FAM117B: variants seen among roughly 807,000 people sequenced by gnomAD.
FAM117B encodes the protein protein FAM117B.
A neutral mutation model predicts 52.8 loss-of-function variants in FAM117B; 22 were observed. The observed-to-expected ratio is 0.42, with a 90% CI of 0.30 to 0.59. The LOEUF is 0.59. Ranked by LOEUF, FAM117B falls within the 20% of genes least tolerant of loss-of-function variation. The pLI, the probability that FAM117B is intolerant of heterozygous loss-of-function variation, is 0.22. For missense variants in FAM117B, 678 were observed against 802.6 expected (o/e 0.84, Z 1.88); for synonymous variants, 309 against 324.1 (o/e 0.95, Z 0.50).
intron 2 of FAM117B, among the ~76,000 whole-genome samples, chr2:202,712,467 C>A (rs553479816): frequency 9.4e-6 from 1 of 106,620 alleles, no homozygotes; most frequent in African/African-American, 4.0e-5. Flanking sequence ...TTAGGTGTTT[C>A]CAAATATAAG....
intron 4 of FAM117B, among the ~76,000 whole-genome samples, chr2:202,739,998 C>T (rs1488844636): frequency 6.6e-6 from 1 of 151,130 alleles, no homozygotes; most frequent in African/African-American, 2.4e-5. Context: ...ATGGTGAAAC[C>T]CTGTCTCTAC....
chr2:202,636,809 G>A (rs1470922453), intron 1 of FAM117B, among the ~76,000 whole-genome samples: 1 of 152,176 alleles, frequency 6.6e-6, no homozygotes. Flanking sequence ...AATAGTTTCC[G>A]AAATGGAAGG....
chr2:202,636,025 C>A (rs920119080), intron 1 of FAM117B, among the ~76,000 whole-genome samples: 1 of 151,068 alleles, frequency 6.6e-6, no homozygotes, highest in African/African-American at 2.4e-5. Flanking sequence ...CCGCACGGCT[C>A]CCTGGTGGTG....
At chr2:202,661,115 A>G (rs1285641374) in intron 1 of FAM117B, among the ~76,000 whole-genome samples, 1 of 152,220 alleles carries the variant, frequency 6.6e-6, no homozygotes, top group African/African-American at 2.4e-5. Flanking sequence ...AACTCAGTGA[A>G]TCACTTCCCT....
chr2:202,735,005 T>A (rs1205186897), intron 4 of FAM117B, among the ~76,000 whole-genome samples: 3 of 152,210 alleles, frequency 2.0e-5, no homozygotes, highest in African/African-American at 7.2e-5. Flanking sequence ...ACATTTTTTT[T>A]CTTTTAAGTG....
rs866090170 is a variant in FAM117B, at chr2:202,655,730, G to C, written c.601+19942G>C. On this transcript the variant is annotated intron_variant, in intron 1 of 7. Coordinates refer to ENST00000392238, the MANE Select transcript of FAM117B (RefSeq NM_173511.4). ...AGTGAGAGAGAGAGAGAGAGAGAGA[G>C]AGAGAGAGAGAGAGAGAGAGAGAGA... Among the ~76,000 whole-genome samples, 1,354 of 147,840 alleles carry C rather than the reference G, an allele frequency of 9.2e-3. 19 individuals are homozygous for C. Among genetic ancestry groups the C allele is most frequent in the South Asian group, 0.023 (107 of 4,638 alleles).
At chr2:202,666,902 C>T (rs988844881) in intron 1 of FAM117B, among the ~76,000 whole-genome samples, 43 of 151,958 alleles carry the variant, frequency 2.8e-4, no homozygotes, top group African/African-American at 1.0e-3. Context: ...GCCTCGGCCT[C>T]CCAAAGTGCT....
chr2:202,742,739 T>C (rs918150799), intron 4 of FAM117B, among the ~76,000 whole-genome samples: 2 of 151,794 alleles, frequency 1.3e-5, no homozygotes, highest in Non-Finnish European at 2.9e-5. Context: ...AAACAGAAAA[T>C]ATTCACAACA....
chr2:202,685,017 C>T (rs1690518641), intron 1 of FAM117B, among the ~76,000 whole-genome samples: 1 of 151,886 alleles, frequency 6.6e-6, no homozygotes, highest in East Asian at 1.9e-4. Context: ...GAGTCTTGCT[C>T]CATGGCCCAG....
rs1158185300 is a variant in FAM117B, at chr2:202,673,433, GTTTTTTTTTTTTT to G, written c.602-22428_602-22416del. ...TAGCCTACCCTATTTTTCTTTTTCT[GTTTTTTTTTTTTT>G]TTTTTTTTTTTTTTTTTTTGAGACG... On this transcript the variant is annotated intron_variant, in intron 1 of 7. Transcript: ENST00000392238. Among the ~76,000 whole-genome samples, 50 of 37,536 alleles carry G rather than the reference GTTTTTTTTTTTTT, an allele frequency of 1.3e-3. 1 individual carries two copies. The highest frequency in any genetic ancestry group is 6.2e-3 in the African/African-American group (40 of 6,450). The allele number at this position is 37,536 out of a possible 152,430, so 24.6% of individuals were successfully genotyped here.
intron 4 of FAM117B, among the ~76,000 whole-genome samples, chr2:202,740,452 A>T (rs1691515401): frequency 6.6e-6 from 1 of 151,182 alleles, no homozygotes; most frequent in East Asian, 1.9e-4. Context: ...ATATATAGTT[A>T]TTGAATTCTA....
intron 7 of FAM117B, among the ~76,000 whole-genome samples, chr2:202,764,174 T>C (rs1691940966): frequency 6.6e-6 from 1 of 152,246 alleles, no homozygotes; most frequent in South Asian, 2.1e-4. Flanking sequence ...CCACAAGAAC[T>C]ATAAATTTAG....
At chr2:202,712,421 T>C (rs77163259) in intron 2 of FAM117B, among the ~76,000 whole-genome samples, 15 of 58,858 alleles carry the variant, frequency 2.5e-4, no homozygotes, top group South Asian at 1.6e-3. Flanking sequence ...TCAGCTCTCT[T>C]TTTTTTTTTT....
intron 2 of FAM117B, among the ~76,000 whole-genome samples, chr2:202,714,160 T>C (rs1691001267): frequency 1.3e-5 from 2 of 152,194 alleles, no homozygotes; most frequent in Non-Finnish European, 2.9e-5. Context: ...TCCACTGTGG[T>C]CAGTGAAGAT....
intron 7 of FAM117B, among the ~76,000 whole-genome samples, chr2:202,763,331 C>T (rs959579539): frequency 2.6e-5 from 4 of 152,124 alleles, no homozygotes; most frequent in African/African-American, 9.7e-5. Flanking sequence ...CTTGGCCTCC[C>T]AAAGTGCTGG....
Position 202,724,921 on chromosome 2 carries a change from A to C in FAM117B, c.758A>C (p.Glu253Ala), listed in dbSNP as rs748775212. Residue 253 changes from glutamate to alanine, a missense_variant, in exon 3 of 8, where the codon GAG becomes GCG. Glu to Ala is a moderately radical substitution (Grantham distance 107). Around this residue, in one of 3 missense-constraint regions of FAM117B, gnomAD observed 583 missense variants for 644.8 expected, o/e 0.90. Coordinates refer to ENST00000392238, the MANE Select transcript of FAM117B (RefSeq NM_173511.4). ...TCCCCTCTTTTTTCATTACAGACAG[A>C]GAGTGCATGGGCTGAAGAATACTCT... ...PCMRDKATQTESAWAEEYSEK... is the reference protein window; with the variant it reads ...PCMRDKATQTASAWAEEYSEK... 21 of 1,601,814 alleles carry C rather than the reference A, an allele frequency of 1.3e-5. No homozygotes were observed. The highest frequency in any genetic ancestry group is 1.7e-5 in the Non-Finnish European group (20 of 1,173,574).
intron 7 of FAM117B, among the ~76,000 whole-genome samples, chr2:202,765,243 T>C (rs1337747611): frequency 1.3e-5 from 2 of 152,160 alleles, no homozygotes; most frequent in South Asian, 2.1e-4. Context: ...CATTCTAAGA[T>C]ACATATGTTG....
At chr2:202,739,066 G>A (rs1691483893) in intron 4 of FAM117B, among the ~76,000 whole-genome samples, 1 of 152,126 alleles carries the variant, frequency 6.6e-6, no homozygotes, top group South Asian at 2.1e-4. Context: ...GCACATACCT[G>A]TAATCCCAGC....
At position 202,766,300 on chromosome 2, in the gene FAM117B, G is replaced by A. The variant is rs928444163; in HGVS notation, c.*536G>A. On this transcript the variant is annotated 3_prime_UTR_variant, in exon 8 of 8. Transcript: ENST00000392238. ...TTCTAGATGTGTGCTTTTCTCAGCT[G>A]TTTTCAGCTTTGGGACCAAAGGGAT... The A allele has an allele frequency of 6.5e-6, 1 of 153,040 alleles. No individual in the cohort carries two copies. Among genetic ancestry groups the A allele is most frequent in the East Asian group, 1.9e-4 (1 of 5,188 alleles). 9.5% of individuals were successfully genotyped at this position (153,040 alleles called of 1,614,324 possible).
Sources: allele counts gnomAD v4.1 joint callset (sites outside exome capture counted in the v4.1 genomes callset), GRCh38; gene constraint gnomAD v4.1.1; regional missense constraint gnomAD v4.1.1; transcripts MANE v1.5; gene names NCBI Gene and HGNC (gene_info 2026-07-23, HGNC 2026-07-21).